DBNL: variants seen among roughly 807,000 people sequenced by gnomAD.
DBNL encodes the protein drebrin-like protein.
DBNL carries 35 observed loss-of-function variants against 62.2 expected under a neutral mutation model. The ratio of observed to expected loss-of-function variants is 0.56; its 90% CI spans 0.43 to 0.75. The LOEUF (loss-of-function observed/expected upper bound fraction) is 0.75, where lower values mean the gene tolerates loss of function less well. DBNL is among the 30% of genes least tolerant of loss of function. The pLI, the probability that DBNL is intolerant of heterozygous loss-of-function variation, is 0.00. For synonymous variants in DBNL, 197 were observed against 218.0 expected (o/e 0.90, Z 0.85); for missense variants, 495 against 578.4 (o/e 0.86, Z 1.48).
intron 1 of DBNL, among the ~76,000 whole-genome samples, chr7:44,045,078 G>T (rs956521314): frequency 6.6e-6 from 1 of 152,138 alleles, no homozygotes; most frequent in Admixed American, 6.5e-5. Context: ...TCCCCCTGTC[G>T]CTCGCCACCC....
chr7:44,065,915 ATCAGCCAT>A lies in DBNL; in HGVS notation c.*5002_*5009del, dbSNP rs1190115159. 5.4e-6 allele frequency: 2 copies of A among 369,130 alleles called. No homozygotes were observed. Among genetic ancestry groups the A allele is most frequent in the African/African-American group, 4.2e-5 (2 of 48,048 alleles). 22.9% of individuals were successfully genotyped at this position (369,130 alleles called of 1,614,324 possible). A position where few individuals can be genotyped will look rare whatever the true frequency, so the allele number is the denominator to read the frequency against. On this transcript the variant is annotated 3_prime_UTR_variant, in exon 13 of 13. Coordinates refer to ENST00000448521, the MANE Select transcript of DBNL (RefSeq NM_001014436.3). Reference sequence around the variant, plus strand: ...TCTCCAGGGCAACGCTCAGTGGCCTATCAGCCATTCTCTGCTCAGACAGAGGCACAAAC... The same window carrying A: ...TCTCCAGGGCAACGCTCAGTGGCCTATCTCTGCTCAGACAGAGGCACAAAC...
In DBNL at chr7:44,062,471, C is replaced by T. The variant is rs1439118351; in HGVS notation, c.*1555C>T. 4.5e-6 allele frequency: 2 copies of T among 445,948 alleles called. No homozygotes were observed. Among genetic ancestry groups the T allele is most frequent in the Admixed American group, 3.4e-5 (1 of 29,026 alleles). 27.6% of individuals were successfully genotyped at this position (445,948 alleles called of 1,614,324 possible). ...TTGGCCTCTTCTAACTGGCCCCAAG[C>T]ACGCCAATTCTGGAGCATGGTTACT... On this transcript the variant is annotated 3_prime_UTR_variant, in exon 13 of 13. Transcript: ENST00000448521.
Position 44,060,641 on chromosome 7 carries a change from G to A in DBNL, c.1154-136G>A. On this transcript the variant is annotated intron_variant, in intron 12 of 12. Transcript: ENST00000448521. The surrounding 1 kb of genome is among the most constrained non-coding windows in gnomAD (Gnocchi z 6.3). ...AGTGTTGGCCAAGGCTTAGCAGGGT[G>A]GCAGGGATATTTCTGAGGAGGAACC... 3 of 1,296,138 alleles carry A rather than the reference G, an allele frequency of 2.3e-6. No homozygotes were observed. Among genetic ancestry groups the A allele is most frequent in the Non-Finnish European group, 3.2e-6 (3 of 950,560 alleles). The allele number at this position is 1,296,138 out of a possible 1,614,324, so 80.3% of individuals were successfully genotyped here.
chr7:44,067,667 C>T lies in DBNL; in HGVS notation c.*6751C>T, dbSNP rs908498829. The T allele has an allele frequency of 6.6e-6, 1 of 152,244 alleles. No individual in the cohort carries two copies. Among genetic ancestry groups the T allele is most frequent in the African/African-American group, 2.4e-5 (1 of 41,444 alleles). 9.4% of individuals were successfully genotyped at this position (152,244 alleles called of 1,614,324 possible). On this transcript the variant is annotated 3_prime_UTR_variant, in exon 13 of 13. Transcript: ENST00000448521. ...AGGGGTAGGAAAACCAAAAGCCACCCTCAGGGCCTCCATCCAGGAAGGCAT... is the reference window on the plus strand; with the variant it reads ...AGGGGTAGGAAAACCAAAAGCCACCTTCAGGGCCTCCATCCAGGAAGGCAT...
Position 44,060,967 on chromosome 7 carries a change from C to T in DBNL, c.*51C>T, listed in dbSNP as rs2128794862. The stretch of plus-strand genomic sequence containing the variant: ...CCTCTCAGACATGGCTTCCTTATTG[C>T]TGGAAGAGGAGGCCTGGGAGTTGAC... On this transcript the variant is annotated 3_prime_UTR_variant, in exon 13 of 13. Coordinates refer to ENST00000448521, the MANE Select transcript of DBNL (RefSeq NM_001014436.3). The surrounding 1 kb of genome is among the most constrained non-coding windows in gnomAD (Gnocchi z 6.3). 6.3e-7 allele frequency: 1 copy of T among 1,590,528 alleles called. No homozygotes were observed. The highest frequency in any genetic ancestry group is 1.3e-5 in the African/African-American group (1 of 74,514).
At chr7:44,054,123 C>G (rs539061476) in intron 4 of DBNL, among the ~76,000 whole-genome samples, 1 of 152,286 alleles carries the variant, frequency 6.6e-6, no homozygotes, top group South Asian at 2.1e-4. Context: ...ATGAAGAAAT[C>G]ATTGGCTTAC....
chr7:44,057,306 G>A (rs1195511396), intron 5 of DBNL, among the ~76,000 whole-genome samples: 3 of 152,238 alleles, frequency 2.0e-5, no homozygotes, highest in Non-Finnish European at 4.4e-5. Context: ...TTGGAGTCAC[G>A]GGAGATACCT....
chr7:44,049,113 C>T (rs1375107689), intron 1 of DBNL, among the ~76,000 whole-genome samples: 1 of 152,144 alleles, frequency 6.6e-6, no homozygotes, highest in Admixed American at 6.5e-5. Flanking sequence ...CCTCAGCCTC[C>T]CAAAGTCCTG....
At chr7:44,046,336 G>C (rs1177348841) in intron 1 of DBNL, among the ~76,000 whole-genome samples, 1 of 152,094 alleles carries the variant, frequency 6.6e-6, no homozygotes, top group Non-Finnish European at 1.5e-5. Flanking sequence ...CTCCCTTCCA[G>C]GTCTCTCTTC....
At chr7:44,054,937 T>G (rs551920742) in intron 4 of DBNL, among the ~76,000 whole-genome samples, 1 of 152,234 alleles carries the variant, frequency 6.6e-6, no homozygotes, top group East Asian at 1.9e-4. Flanking sequence ...TCCAGTTCCA[T>G]CCATGTTGCT....
chr7:44,065,361 T>G lies in DBNL; in HGVS notation c.*4445T>G. ...CGGATGGCCCGCTTCAGCACTGACGTGTAGCAGATGTCAAACTCCATCTTG... is the reference window on the plus strand; with the variant it reads ...CGGATGGCCCGCTTCAGCACTGACGGGTAGCAGATGTCAAACTCCATCTTG... On this transcript the variant is annotated 3_prime_UTR_variant, in exon 13 of 13. Coordinates refer to ENST00000448521, the MANE Select transcript of DBNL (RefSeq NM_001014436.3). 1 of 1,613,958 alleles carries G rather than the reference T, an allele frequency of 6.2e-7. No homozygotes were observed. Among genetic ancestry groups the G allele is most frequent in the South Asian group, 1.1e-5 (1 of 91,088 alleles).
chr7:44,050,453 T>G, intron 2 of DBNL, 173 bp downstream of exon 2: 1 of 590,232 alleles, frequency 1.7e-6, no homozygotes, highest in Non-Finnish European at 3.1e-6. Context: ...CATTCCTCCT[T>G]GGTTCTCCTT....
chr7:44,058,088 G>A (rs759849043), intron 6 of DBNL, 41 bp from the exon 7 acceptor site: 1 of 1,548,722 alleles, frequency 6.5e-7, no homozygotes, highest in Non-Finnish European at 8.7e-7. Flanking sequence ...TTAGGCTGAA[G>A]TGGCAGCATA....
At chr7:44,051,386 G>A (rs1410232075) in intron 2 of DBNL, 1 of 163,378 alleles carries the variant, frequency 6.1e-6, no homozygotes. Flanking sequence ...TGGAACTTGA[G>A]CAGACACAGG....
In DBNL at chr7:44,052,950, AG is replaced by A; in HGVS notation, c.327+11del. 2.5e-6 allele frequency: 4 copies of A among 1,611,398 alleles called. No homozygotes were observed. The highest frequency in any genetic ancestry group is 3.4e-6 in the Non-Finnish European group (4 of 1,179,482). On this transcript the variant is annotated intron_variant, in intron 4 of 12. Transcript: ENST00000448521. ...TGGCCAGCTTCCTGAAGGTAAGGCC[AG>A]GTGAGGCCCGCTTCACTGGGAACAG...
chr7:44,062,819 T>G lies in DBNL; in HGVS notation c.*1903T>G, dbSNP rs140230479. The G allele has an allele frequency of 4.6e-4, 741 of 1,614,202 alleles. 9 individuals are homozygous for G. In the Middle Eastern group the frequency reaches 0.013, roughly 27 times the overall value. ...CTCCATGGCCTTCCGCACCGTTTCCTCATCACCCAGGAACTGCATGGGCTT... is the reference window on the plus strand; with the variant it reads ...CTCCATGGCCTTCCGCACCGTTTCCGCATCACCCAGGAACTGCATGGGCTT... On this transcript the variant is annotated 3_prime_UTR_variant, in exon 13 of 13. Transcript: ENST00000448521.
intron 2 of DBNL, chr7:44,051,020 A>C (rs1248864268): frequency 6.7e-6 from 1 of 150,224 alleles, no homozygotes; most frequent in African/African-American, 2.5e-5. Flanking sequence ...AACAGTAGAC[A>C]TGTGGTGTGG....
chr7:44,059,602 G>A lies in DBNL; in HGVS notation c.991G>A (p.Glu331Lys). The A allele has an allele frequency of 2.5e-6, 4 of 1,611,496 alleles. No homozygotes were observed. The highest frequency in any genetic ancestry group is 3.4e-6 in the Non-Finnish European group (4 of 1,179,932). ...TCCATGTCTGGTGCAGGCAGAAGAG[G>A]AGGCTGTGTATGAGGAACCTCCAGA... is the stretch of plus-strand genomic sequence containing the variant. ...TPPCLVQAEE[E>K]AVYEEPPEQE... Residue 331 changes from glutamate to lysine, a missense_variant, in exon 11 of 13, where the codon GAG (glutamate) becomes AAG (lysine). Transcript: ENST00000448521. This position sits in a 1 kb window ranked among gnomAD's most constrained non-coding sequence, Gnocchi z 4.1.
rs747090602 is a variant in DBNL at position 44,058,470 on chromosome 7, G to C, written c.743G>C (p.Arg248Pro). 3.1e-6 allele frequency: 5 copies of C among 1,614,086 alleles called. No individual in the cohort carries two copies. Among genetic ancestry groups the C allele is most frequent in the African/African-American group, 1.3e-5 (1 of 74,946 alleles). ...CAGCAAGAAGTGGTTTCAAGGAACC[G>C]AAATGAGCAGGTAAGATGGGGGTGC... Reference protein sequence around the residue: ...EQQQEVVSRNRNEQESAVHPR... With the variant: ...EQQQEVVSRNPNEQESAVHPR... Residue 248 changes from arginine to proline, a missense_variant, in exon 8 of 13, where the codon CGA becomes CCA. Transcript: ENST00000448521.
Sources: gnomAD v4.1 joint callset for allele counts (sites outside exome capture counted in the v4.1 genomes callset) on GRCh38, gnomAD v4.1.1 for gene constraint, Gnocchi (gnomAD v3.1) non-coding constraint, MANE v1.5 for transcripts, NCBI Gene and HGNC (gene_info 2026-07-23, HGNC 2026-07-21) for gene names.